Variants in KCNT2 observed in about 807,000 individuals in gnomAD.
The protein encoded by KCNT2 is potassium channel subfamily T member 2.
Under a neutral mutation model 153.8 loss-of-function variants are expected in KCNT2, and 67 were observed. The observed-to-expected ratio is 0.44, with a 90% confidence interval of 0.36 to 0.53. The LOEUF is 0.53. Among genes scored for constraint, KCNT2 ranks in the 20% least tolerant of loss-of-function variants. The pLI, the probability that KCNT2 is intolerant of heterozygous loss-of-function variation, is 0.00. For synonymous variants in KCNT2, 500 were observed against 458.8 expected (o/e 1.09, Z -1.15); for missense variants, 975 against 1,354.8 (o/e 0.72, Z 4.40).
At chr1:196,533,726 A>T (rs1655219679) in intron 1 of KCNT2, among the ~76,000 whole-genome samples, 1 of 152,122 alleles carries the variant, frequency 6.6e-6, no homozygotes, top group South Asian at 2.1e-4. Context: ...TGTGGTTGGC[A>T]TCATATATAA....
At chr1:196,533,622 G>C (rs1655204810) in intron 1 of KCNT2, among the ~76,000 whole-genome samples, 1 of 151,988 alleles carries the variant, frequency 6.6e-6, no homozygotes, top group South Asian at 2.1e-4. Flanking sequence ...GTTAGAAATC[G>C]AGGGATTCTT....
chr1:196,532,223 G>C (rs1006355484), intron 1 of KCNT2, among the ~76,000 whole-genome samples: 2 of 152,008 alleles, frequency 1.3e-5, no homozygotes, highest in African/African-American at 4.8e-5. Context: ...AACAGTACAT[G>C]CTGCCAGGAA....
intron 14 of KCNT2, among the ~76,000 whole-genome samples, chr1:196,352,289 G>C (rs1284831170): frequency 3.3e-5 from 5 of 151,814 alleles, no homozygotes; most frequent in African/African-American, 7.2e-5. Context: ...GGTACCAGTT[G>C]CTCCTTGTAC....
intron 26 of KCNT2, among the ~76,000 whole-genome samples, chr1:196,240,532 A>G (rs1327154999): frequency 6.6e-6 from 1 of 152,080 alleles, no homozygotes; most frequent in South Asian, 2.1e-4. Context: ...ATAAAAAACA[A>G]TTATATATGT....
intron 16 of KCNT2, among the ~76,000 whole-genome samples, chr1:196,339,683 T>A (rs1399619828): frequency 5.3e-5 from 8 of 152,028 alleles, no homozygotes; most frequent in Non-Finnish European, 7.4e-5. Flanking sequence ...AATGAATGTA[T>A]CAGTATTAGT....
At chr1:196,367,228 AT>A (rs1668116452) in intron 14 of KCNT2, among the ~76,000 whole-genome samples, 1 of 152,156 alleles carries the variant, frequency 6.6e-6, no homozygotes, top group Non-Finnish European at 1.5e-5. Flanking sequence ...GTAAAGAACT[AT>A]AAAAAAAAAT....
chr1:196,393,687 G>C (rs914316237), intron 13 of KCNT2, among the ~76,000 whole-genome samples: 4 of 151,446 alleles, frequency 2.6e-5, no homozygotes, highest in Admixed American at 1.3e-4. Context: ...TAAATGTTGA[G>C]CTACAGAAAC....
intron 19 of KCNT2, among the ~76,000 whole-genome samples, chr1:196,322,778 T>A (rs2148053197): frequency 6.6e-6 from 1 of 152,044 alleles, no homozygotes; most frequent in East Asian, 1.9e-4. Flanking sequence ...TGAGCACAGT[T>A]TATTTTGTTA....
intron 8 of KCNT2, among the ~76,000 whole-genome samples, chr1:196,451,380 A>C (rs774257881): frequency 7.1e-6 from 1 of 141,642 alleles, no homozygotes; most frequent in Admixed American, 7.1e-5. Flanking sequence ...AGCTGGAACT[A>C]CAGACGTGCG....
intron 27 of KCNT2, among the ~76,000 whole-genome samples, chr1:196,233,890 A>G (rs1201269323): frequency 6.6e-6 from 1 of 151,420 alleles, no homozygotes; most frequent in African/African-American, 2.4e-5. Flanking sequence ...ATGTTACCAG[A>G]GGCTGGGAAG....
intron 1 of KCNT2, among the ~76,000 whole-genome samples, chr1:196,576,879 T>C (rs1661440244): frequency 1.3e-5 from 2 of 152,156 alleles, no homozygotes; most frequent in Non-Finnish European, 2.9e-5. Context: ...TATACTTATT[T>C]AAGTGATGAA....
intron 25 of KCNT2, among the ~76,000 whole-genome samples, chr1:196,278,833 C>T (rs1315626307): frequency 6.6e-6 from 1 of 152,130 alleles, no homozygotes; most frequent in African/African-American, 2.4e-5. Context: ...AATATTTGTT[C>T]TCCATCACCC....
rs1301058585 is a variant in KCNT2 at position 196,404,556 on chromosome 1, G to A, written c.1186-5885C>T. ...TTTCCCACCTAGGACCATTTGCCAAGAACATTCTTTATGGGCTCAGCCCTA... is the reference window on the plus strand; with the variant it reads ...TTTCCCACCTAGGACCATTTGCCAAAAACATTCTTTATGGGCTCAGCCCTA... On this transcript the variant is annotated intron_variant, in intron 12 of 27. Coordinates refer to ENST00000294725, the MANE Select transcript of KCNT2 (RefSeq NM_198503.5). Among the ~76,000 whole-genome samples the A allele has an allele frequency of 2.6e-4, 40 of 151,434 alleles. 1 individual carries two copies. In the Admixed American group the frequency reaches 2.6e-3, roughly 10 times the overall value.
At chr1:196,273,232 G>A (rs1249614759) in intron 25 of KCNT2, among the ~76,000 whole-genome samples, 3 of 151,626 alleles carry the variant, frequency 2.0e-5, no homozygotes, top group South Asian at 2.1e-4. Context: ...CACAAATATC[G>A]AAACAAATAC....
At chr1:196,270,898 A>G (rs1478420198) in intron 25 of KCNT2, among the ~76,000 whole-genome samples, 1 of 151,816 alleles carries the variant, frequency 6.6e-6, no homozygotes, top group African/African-American at 2.4e-5. Flanking sequence ...CAGAGGGGCT[A>G]TCACTCAATC....
intron 13 of KCNT2, among the ~76,000 whole-genome samples, chr1:196,391,518 T>C (rs1670491672): frequency 6.6e-6 from 1 of 151,236 alleles, no homozygotes; most frequent in African/African-American, 2.4e-5. Flanking sequence ...TGTTTGAAAA[T>C]ATACAACTAT....
At chr1:196,387,127 A>T (rs1670061996) in intron 13 of KCNT2, among the ~76,000 whole-genome samples, 1 of 152,030 alleles carries the variant, frequency 6.6e-6, no homozygotes, top group Admixed American at 6.6e-5. Context: ...GCAAAAATCT[A>T]TAAGTAAATT....
intron 1 of KCNT2, among the ~76,000 whole-genome samples, chr1:196,547,896 A>G (rs117435283): frequency 0.058 from 8,760 of 151,974 alleles, 395 homozygotes; most frequent in Non-Finnish European, 0.085. Context: ...ACATCCAGAA[A>G]AAAACTATTT....
intron 22 of KCNT2, among the ~76,000 whole-genome samples, chr1:196,293,534 T>C (rs1233635371): frequency 6.6e-6 from 1 of 151,936 alleles, no homozygotes; most frequent in Non-Finnish European, 1.5e-5. Flanking sequence ...TTAACAAAGG[T>C]GCCAGGCCAC....
Sources: allele counts gnomAD v4.1 joint callset (sites outside exome capture counted in the v4.1 genomes callset), GRCh38; gene constraint gnomAD v4.1.1; transcripts MANE v1.5; gene names NCBI Gene and HGNC (gene_info 2026-07-23, HGNC 2026-07-21).